BOD1L2: variants seen among roughly 807,000 people sequenced by gnomAD.
BOD1L2 encodes the protein biorientation of chromosomes in cell division protein 1-like 2.
Under a neutral mutation model 5.3 loss-of-function variants are expected in BOD1L2, and 6 were observed. The observed-to-expected ratio is 1.14, with a 90% CI of 0.62 to 2.25. The LOEUF is 2.25. Ranked by LOEUF, BOD1L2 falls within the 30% of genes most tolerant of loss-of-function variation. The pLI is 0.00. For synonymous variants in BOD1L2, 96 were observed against 96.3 expected, an observed-to-expected ratio of 1.00 and a Z score of 0.02; for missense variants, 210 against 227.2, an observed-to-expected ratio of 0.92 and a Z score of 0.49.
In BOD1L2 at chr18:57,149,866, G is replaced by C. The variant is rs899479391; in HGVS notation, c.*2035G>C. Reference sequence around the variant, plus strand: ...TTTCTGCTTTTAAGAAATGTGTTGCGGAAGTGATTTTTGGTTTGGGGTTTG... The same window carrying C: ...TTTCTGCTTTTAAGAAATGTGTTGCCGAAGTGATTTTTGGTTTGGGGTTTG... On this transcript the variant is annotated 3_prime_UTR_variant, in exon 1 of 1. Coordinates refer to ENST00000585477, the MANE Select transcript of BOD1L2 (RefSeq NM_001257964.2). 1 of 152,116 alleles carries C rather than the reference G, an allele frequency of 6.6e-6. No individual in the cohort carries two copies. Among genetic ancestry groups the C allele is most frequent in the African/African-American group, 2.4e-5 (1 of 41,422 alleles). 9.4% of individuals were successfully genotyped at this position (152,116 alleles called of 1,614,324 possible).
rs1460456652 is a variant in BOD1L2, at chr18:57,147,625, A to G, written c.313A>G (p.Ser105Gly). 1 of 1,613,162 alleles carries G rather than the reference A, an allele frequency of 6.2e-7. No homozygotes were observed. Among genetic ancestry groups the G allele is most frequent in the Admixed American group, 1.7e-5 (1 of 60,008 alleles). Residue 105 changes from serine (S) to glycine (G), a missense_variant, in exon 1 of 1, where the codon AGT (serine) becomes GGT (glycine). Transcript: ENST00000585477. ...DNQLHDGLRQ[S>G]VVQSGRSEAG... is the part of the protein sequence containing the mutation. The stretch of plus-strand genomic sequence containing the variant: ...CCAACTGCACGATGGTCTGAGGCAG[A>G]GTGTGGTTCAGTCAGGGAGGTCAGA...
At position 57,147,381 on chromosome 18, in the gene BOD1L2, C is replaced by T. The variant is rs1411518031; in HGVS notation, c.69C>T (p.Gly23=). Residue 23 remains glycine, a synonymous_variant, in exon 1 of 1, where the codon GGC becomes GGT. Coordinates refer to ENST00000585477, the MANE Select transcript of BOD1L2 (RefSeq NM_001257964.2). ...CCTCGACCCGGGCCAGCGGGGGCGG[C>T]GGCCCCATCAACCCGGCCTCGTTGC... is the stretch of plus-strand genomic sequence containing the variant. ...GPASTRASGG[G]GPINPASLPP... 12 of 1,523,936 alleles carry T rather than the reference C, an allele frequency of 7.9e-6. No homozygotes were observed. In the South Asian group the frequency reaches 1.2e-4, roughly 15 times the overall value. The allele number at this position is 1,523,936 out of a possible 1,614,324, so 94.4% of individuals were successfully genotyped here. A position where few individuals can be genotyped will look rare whatever the true frequency, so the allele number is the denominator to read the frequency against.
Position 57,147,268 on chromosome 18 carries a change from G to C in BOD1L2, c.-45G>C. On this transcript the variant is annotated 5_prime_UTR_variant, in exon 1 of 1. Coordinates refer to ENST00000585477, the MANE Select transcript of BOD1L2 (RefSeq NM_001257964.2). ...TACACATTCTAGGCTTTCTGTCCTG[G>C]AGAAGAAGCTATAATCGGTTTCCTT... 4 of 1,144,394 alleles carry C rather than the reference G, an allele frequency of 3.5e-6. No individual in the cohort carries two copies. The South Asian group carries it at 1.1e-4, about 31-fold the overall frequency. 70.9% of individuals were successfully genotyped at this position (1,144,394 alleles called of 1,614,324 possible).
chr18:57,149,832 G>A lies in BOD1L2; in HGVS notation c.*2001G>A, dbSNP rs1287328915. 1 of 152,158 alleles carries A rather than the reference G, an allele frequency of 6.6e-6. No individual in the cohort carries two copies. The highest frequency in any genetic ancestry group is 2.4e-5 in the African/African-American group (1 of 41,424). 9.4% of individuals were successfully genotyped at this position (152,158 alleles called of 1,614,324 possible). A position where few individuals can be genotyped will look rare whatever the true frequency, so the allele number is the denominator to read the frequency against. ...CACCTATCTTTGCACTAACATAAAA[G>A]GAACCTAATTTCTGCTTTTAAGAAA... On this transcript the variant is annotated 3_prime_UTR_variant, in exon 1 of 1. Transcript: ENST00000585477.
Position 57,149,529 on chromosome 18 carries a change from A to T in BOD1L2, c.*1698A>T, listed in dbSNP as rs8086063. The T allele has an allele frequency of 6.6e-6, 1 of 152,088 alleles. No individual in the cohort carries two copies. Among genetic ancestry groups the T allele is most frequent in the African/African-American group, 2.4e-5 (1 of 41,404 alleles). 9.4% of individuals were successfully genotyped at this position (152,088 alleles called of 1,614,324 possible). A position where few individuals can be genotyped will look rare whatever the true frequency, so the allele number is the denominator to read the frequency against. On this transcript the variant is annotated 3_prime_UTR_variant, in exon 1 of 1. Coordinates refer to ENST00000585477, the MANE Select transcript of BOD1L2 (RefSeq NM_001257964.2). Reference sequence around the variant, plus strand: ...GTTTACCTATGAGCTATTTTAAATGATTCTTCAAAATTTAGAGTCCAGAAG... The same window carrying T: ...GTTTACCTATGAGCTATTTTAAATGTTTCTTCAAAATTTAGAGTCCAGAAG...
Position 57,147,549 on chromosome 18 carries a change from T to G in BOD1L2, c.237T>G (p.Phe79Leu). 6.2e-7 allele frequency: 1 copy of G among 1,610,930 alleles called. No individual in the cohort carries two copies. Among genetic ancestry groups the G allele is most frequent in the Non-Finnish European group, 8.5e-7 (1 of 1,178,746 alleles). Residue 79 changes from phenylalanine to leucine, a missense_variant, in exon 1 of 1, where the codon TTT becomes TTG. Transcript: ENST00000585477. Reference protein sequence around the residue: ...YQNLSQKADNFVSTHLDKQEW... With the variant: ...YQNLSQKADNLVSTHLDKQEW... ...ACCTGAGCCAGAAAGCGGATAATTT[T>G]GTGTCGACACATCTGGACAAGCAGG...
At position 57,148,078 on chromosome 18, in the gene BOD1L2, A is replaced by G. The variant is rs2048936620; in HGVS notation, c.*247A>G. 1 of 454,410 alleles carries G rather than the reference A, an allele frequency of 2.2e-6. No individual in the cohort carries two copies. The highest frequency in any genetic ancestry group is 2.7e-5 in the South Asian group (1 of 37,708). The allele number at this position is 454,410 out of a possible 1,614,324, so 28.1% of individuals were successfully genotyped here. A position where few individuals can be genotyped will look rare whatever the true frequency, so the allele number is the denominator to read the frequency against. On this transcript the variant is annotated 3_prime_UTR_variant, in exon 1 of 1. Coordinates refer to ENST00000585477, the MANE Select transcript of BOD1L2 (RefSeq NM_001257964.2). ...CCTTTCCAAGGGCATGACACCAAAC[A>G]CACACTACAGAGAGGGAAACACTAC...
chr18:57,147,341 G>C lies in BOD1L2; in HGVS notation c.29G>C (p.Gly10Ala). MADGGGGGSGGAGPASTRAS... is the reference protein window; with the variant it reads MADGGGGGSAGAGPASTRAS... ...GCGGACGGTGGCGGCGGCGGCAGCG[G>C]CGGTGCGGGCCCGGCCTCGACCCGG... is the stretch of plus-strand genomic sequence containing the variant. The change falls in exon 1 of 1, where the codon GGC (glycine) becomes GCC (alanine). Residue 10 changes from glycine (G) to alanine (A), a missense_variant. Transcript: ENST00000585477. 8.0e-7 allele frequency: 1 copy of C among 1,249,278 alleles called. No homozygotes were observed. The highest frequency in any genetic ancestry group is 1.0e-6 in the Non-Finnish European group (1 of 1,001,866). The allele number at this position is 1,249,278 out of a possible 1,614,324, so 77.4% of individuals were successfully genotyped here.
At position 57,147,686 on chromosome 18, in the gene BOD1L2, A is replaced by T. The variant is rs752433182; in HGVS notation, c.374A>T (p.Asp125Val). 2.5e-6 allele frequency: 4 copies of T among 1,613,574 alleles called. No homozygotes were observed. Among genetic ancestry groups the T allele is most frequent in the Non-Finnish European group, 3.4e-6 (4 of 1,180,036 alleles). ...GACAGGATTAGTTCTCAGGTGGTGGATCCAAAACTAAACCACATCTTCAGG... is the reference window on the plus strand; with the variant it reads ...GACAGGATTAGTTCTCAGGTGGTGGTTCCAAAACTAAACCACATCTTCAGG... The part of the protein sequence containing the change: ...GVDRISSQVV[D>V]PKLNHIFRPQ... The change falls in exon 1 of 1, where the codon GAT becomes GTT. Residue 125 changes from aspartate to valine, a missense_variant. Coordinates refer to ENST00000585477, the MANE Select transcript of BOD1L2 (RefSeq NM_001257964.2).
In BOD1L2 at chr18:57,148,978, C is replaced by T. The variant is rs2048942382; in HGVS notation, c.*1147C>T. 1 of 152,260 alleles carries T rather than the reference C, an allele frequency of 6.6e-6. No homozygotes were observed. The highest frequency in any genetic ancestry group is 2.4e-5 in the African/African-American group (1 of 41,456). 9.4% of individuals were successfully genotyped at this position (152,260 alleles called of 1,614,324 possible). On this transcript the variant is annotated 3_prime_UTR_variant, in exon 1 of 1. Coordinates refer to ENST00000585477, the MANE Select transcript of BOD1L2 (RefSeq NM_001257964.2). ...AGCTAGGTCTGACGAAGCACTTGCT[C>T]TATTGCTCTACAGCTGGCAGTGTAC...
In BOD1L2 at chr18:57,147,327, C is replaced by T. The variant is rs1388303883; in HGVS notation, c.15C>T (p.Gly5=). Residue 5 remains glycine (G), a synonymous_variant, in exon 1 of 1, where the codon GGC becomes GGT. Transcript: ENST00000585477. The stretch of plus-strand genomic sequence containing the variant: ...GGTGCGCAGCCATGGCGGACGGTGG[C>T]GGCGGCGGCAGCGGCGGTGCGGGCC... The part of the protein sequence containing the change: MADG[G]GGGSGGAGPA... 5.0e-6 allele frequency: 6 copies of T among 1,191,862 alleles called. No homozygotes were observed. Among genetic ancestry groups the T allele is most frequent in the African/African-American group, 3.3e-5 (2 of 61,208 alleles). 73.8% of individuals were successfully genotyped at this position (1,191,862 alleles called of 1,614,324 possible).
At position 57,147,438 on chromosome 18, in the gene BOD1L2, C is replaced by A. The variant is rs1274019377; in HGVS notation, c.126C>A (p.Ile42=). 1.9e-6 allele frequency: 3 copies of A among 1,544,898 alleles called. No individual in the cohort carries two copies. Among genetic ancestry groups the A allele is most frequent in the Non-Finnish European group, 2.6e-6 (3 of 1,149,250 alleles). Residue 42 remains isoleucine, a synonymous_variant, in exon 1 of 1, where the codon ATC becomes ATA. Transcript: ENST00000585477. ...PPGDPQLIAI[I]VGQLKSRGLF... ...GCGACCCTCAGCTCATCGCTATCAT[C>A]GTGGGGCAGCTCAAGAGCAGGGGCC...
Position 57,148,019 on chromosome 18 carries a change from G to T in BOD1L2, c.*188G>T. On this transcript the variant is annotated 3_prime_UTR_variant, in exon 1 of 1. Coordinates refer to ENST00000585477, the MANE Select transcript of BOD1L2 (RefSeq NM_001257964.2). ...GTTCGCCAGAGAGAAAGTTGACCGTGGCACCCTCCTGCATTGCGCTGCCAT... is the reference window on the plus strand; with the variant it reads ...GTTCGCCAGAGAGAAAGTTGACCGTTGCACCCTCCTGCATTGCGCTGCCAT... The T allele has an allele frequency of 3.0e-6, 2 of 667,048 alleles. No homozygotes were observed. Among genetic ancestry groups the T allele is most frequent in the Non-Finnish European group, 4.9e-6 (2 of 409,632 alleles). The allele number at this position is 667,048 out of a possible 1,614,324, so 41.3% of individuals were successfully genotyped here.
chr18:57,149,812 A>G lies in BOD1L2; in HGVS notation c.*1981A>G, dbSNP rs917419515. 6.6e-6 allele frequency: 1 copy of G among 152,242 alleles called. No homozygotes were observed. Among genetic ancestry groups the G allele is most frequent in the African/African-American group, 2.4e-5 (1 of 41,464 alleles). 9.4% of individuals were successfully genotyped at this position (152,242 alleles called of 1,614,324 possible). The stretch of plus-strand genomic sequence containing the variant: ...CATCTGAGACCCCAGCTTGGCACCT[A>G]TCTTTGCACTAACATAAAAGGAACC... On this transcript the variant is annotated 3_prime_UTR_variant, in exon 1 of 1. Transcript: ENST00000585477.
rs1402827446 is a variant in BOD1L2 at position 57,149,663 on chromosome 18, C to G, written c.*1832C>G. ...AACCCAGCTCTTTAAAGTTTAATGT[C>G]CCAGCCATTTTAATTGTTTCTTTCG... On this transcript the variant is annotated 3_prime_UTR_variant, in exon 1 of 1. Coordinates refer to ENST00000585477, the MANE Select transcript of BOD1L2 (RefSeq NM_001257964.2). 1 of 152,150 alleles carries G rather than the reference C, an allele frequency of 6.6e-6. No homozygotes were observed. The allele number at this position is 152,150 out of a possible 1,614,324, so 9.4% of individuals were successfully genotyped here.
Position 57,148,842 on chromosome 18 carries a change from C to G in BOD1L2, c.*1011C>G, listed in dbSNP as rs1156587240. Reference sequence around the variant, plus strand: ...GGGAATGCCCTCAACCACTCCTACCCTCCTTTAAGACTCAGCTCCTGAGGA... The same window carrying G: ...GGGAATGCCCTCAACCACTCCTACCGTCCTTTAAGACTCAGCTCCTGAGGA... On this transcript the variant is annotated 3_prime_UTR_variant, in exon 1 of 1. Coordinates refer to ENST00000585477, the MANE Select transcript of BOD1L2 (RefSeq NM_001257964.2). 3 of 152,220 alleles carry G rather than the reference C, an allele frequency of 2.0e-5. No homozygotes were observed. Among genetic ancestry groups the G allele is most frequent in the African/African-American group, 7.2e-5 (3 of 41,432 alleles). The allele number at this position is 152,220 out of a possible 1,614,324, so 9.4% of individuals were successfully genotyped here.
In BOD1L2 at chr18:57,148,020, G is replaced by A. The variant is rs2048935797; in HGVS notation, c.*189G>A. On this transcript the variant is annotated 3_prime_UTR_variant, in exon 1 of 1. Transcript: ENST00000585477. ...TTCGCCAGAGAGAAAGTTGACCGTG[G>A]CACCCTCCTGCATTGCGCTGCCATT... The A allele has an allele frequency of 1.6e-6, 1 of 640,948 alleles. No individual in the cohort carries two copies. The highest frequency in any genetic ancestry group is 2.6e-6 in the Non-Finnish European group (1 of 388,256). The allele number at this position is 640,948 out of a possible 1,614,324, so 39.7% of individuals were successfully genotyped here.
In BOD1L2 at chr18:57,147,897, A is replaced by G; in HGVS notation, c.*66A>G. ...GGTGAAGAAATGGATTCGGTTACATAAGAGTGCAGTTTCAGATTGAAGATA... is the reference window on the plus strand; with the variant it reads ...GGTGAAGAAATGGATTCGGTTACATGAGAGTGCAGTTTCAGATTGAAGATA... On this transcript the variant is annotated 3_prime_UTR_variant, in exon 1 of 1. Transcript: ENST00000585477. 1 of 1,460,630 alleles carries G rather than the reference A, an allele frequency of 6.8e-7. No individual in the cohort carries two copies. The highest frequency in any genetic ancestry group is 2.2e-5 in the Admixed American group (1 of 44,982). 90.5% of individuals were successfully genotyped at this position (1,460,630 alleles called of 1,614,324 possible). A position where few individuals can be genotyped will look rare whatever the true frequency, so the allele number is the denominator to read the frequency against.
In BOD1L2 at chr18:57,149,199, C is replaced by T. The variant is rs948955671; in HGVS notation, c.*1368C>T. ...ACCCTTTTAACCATGCTTTTAGCCA[C>T]ACCACCTCACCACAGTGAACTGTCT... On this transcript the variant is annotated 3_prime_UTR_variant, in exon 1 of 1. Transcript: ENST00000585477. 1 of 152,234 alleles carries T rather than the reference C, an allele frequency of 6.6e-6. No individual in the cohort carries two copies. The highest frequency in any genetic ancestry group is 1.5e-5 in the Non-Finnish European group (1 of 68,054). The allele number at this position is 152,234 out of a possible 1,614,324, so 9.4% of individuals were successfully genotyped here.
Sources: gnomAD v4.1 joint callset for allele counts on GRCh38, gnomAD v4.1.1 for gene constraint, MANE v1.5 for transcripts, NCBI Gene and HGNC (gene_info 2026-07-23, HGNC 2026-07-21) for gene names.